VGLL4: variants seen among roughly 807,000 people sequenced by gnomAD.
VGLL4 encodes the protein vestigial like family member 4.
VGLL4 carries 7 observed loss-of-function variants against 21.0 expected under a neutral mutation model. The observed-to-expected ratio is 0.33, with a 90% CI of 0.19 to 0.63. VGLL4 has a LOEUF of 0.63. Ranked by LOEUF, VGLL4 falls within the 20% of genes least tolerant of loss-of-function variation. VGLL4 has a pLI of 0.78. For synonymous variants in VGLL4, 222 were observed against 173.2 expected (o/e 1.28, Z -2.21); for missense variants, 394 against 425.7 (o/e 0.93, Z 0.66).
Position 11,558,488 on chromosome 3 carries a change from T to TTA in VGLL4, c.*67_*68insTA. The TTA allele has an allele frequency of 6.7e-7, 1 of 1,483,586 alleles. No individual in the cohort carries two copies. The highest frequency in any genetic ancestry group is 9.0e-7 in the Non-Finnish European group (1 of 1,113,302). 91.9% of individuals were successfully genotyped at this position (1,483,586 alleles called of 1,614,324 possible). ...CCCACCCCCATGATTTTTTTTTTTT[T>TTA]AAGTACTGACTGTTCAAAGCTCAGG... On this transcript the variant is annotated 3_prime_UTR_variant, in exon 5 of 5. Coordinates refer to ENST00000430365, the MANE Select transcript of VGLL4 (RefSeq NM_001128219.3).
chr3:11,665,994 T>C (rs1269076227), intron 2 of VGLL4, among the ~76,000 whole-genome samples: 1 of 152,118 alleles, frequency 6.6e-6, no homozygotes, highest in Non-Finnish European at 1.5e-5. Flanking sequence ...CTCACGCCTG[T>C]AATCCCAACA....
rs888741669 is a variant in VGLL4 at position 11,557,140 on chromosome 3, G to C, written c.*1416C>G. On this transcript the variant is annotated 3_prime_UTR_variant, in exon 5 of 5. Transcript: ENST00000430365. ...CAGCACACCCCAGGGGGAGGGGATA[G>C]AAACGCTCATTGACCAAAAAGGAGC... is the stretch of plus-strand genomic sequence containing the variant. The C allele has an allele frequency of 2.6e-5, 4 of 152,678 alleles. No individual in the cohort carries two copies. Among genetic ancestry groups the C allele is most frequent in the African/African-American group, 9.6e-5 (4 of 41,468 alleles). 9.5% of individuals were successfully genotyped at this position (152,678 alleles called of 1,614,324 possible).
intron 2 of VGLL4, chr3:11,693,037 G>A (rs1445619530): frequency 1.1e-5 from 2 of 181,612 alleles, no homozygotes; most frequent in South Asian, 7.8e-5. Flanking sequence ...GGGTGTGGTG[G>A]TGTGTACCTG....
intron 2 of VGLL4, among the ~76,000 whole-genome samples, chr3:11,601,571 G>A (rs919768243): frequency 6.6e-6 from 1 of 152,174 alleles, no homozygotes; most frequent in African/African-American, 2.4e-5. Flanking sequence ...AGCTCTAAGG[G>A]GACATTAACT....
chr3:11,581,424 C>T (rs1457174577), intron 2 of VGLL4, among the ~76,000 whole-genome samples: 2 of 152,112 alleles, frequency 1.3e-5, no homozygotes, highest in Non-Finnish European at 1.5e-5. Context: ...AACTAAAACC[C>T]GGAGGGTCCT....
chr3:11,709,311 C>G (rs960225931), intron 1 of VGLL4, among the ~76,000 whole-genome samples: 1 of 151,654 alleles, frequency 6.6e-6, no homozygotes, highest in African/African-American at 2.4e-5. Flanking sequence ...GTAGCAGGCA[C>G]CTGTAATCCC....
chr3:11,673,192 A>G (rs895380101), intron 2 of VGLL4, among the ~76,000 whole-genome samples: 4 of 152,230 alleles, frequency 2.6e-5, no homozygotes, highest in African/African-American at 9.6e-5. Flanking sequence ...ATAGAGACCA[A>G]GTTAAACCAG....
upstream of VGLL4, among the ~76,000 whole-genome samples, chr3:11,648,798 A>C (rs2075829941): frequency 6.6e-6 from 1 of 151,836 alleles, no homozygotes; most frequent in Non-Finnish European, 1.5e-5. Context: ...AACCTTACTA[A>C]TAATCAAAGA....
chr3:11,692,610 A>G (rs1175828688), intron 2 of VGLL4, among the ~76,000 whole-genome samples: 1 of 151,980 alleles, frequency 6.6e-6, no homozygotes, highest in East Asian at 1.9e-4. Flanking sequence ...TGCCTGAAGC[A>G]CTCGACTGTC....
At chr3:11,592,062 C>T (rs1252636132) in intron 2 of VGLL4, among the ~76,000 whole-genome samples, 2 of 152,240 alleles carry the variant, frequency 1.3e-5, no homozygotes, top group Non-Finnish European at 2.9e-5. Flanking sequence ...TCAGCACTGA[C>T]CCTACCAAGT....
At chr3:11,676,042 A>C (rs2076283941) in intron 2 of VGLL4, among the ~76,000 whole-genome samples, 1 of 152,226 alleles carries the variant, frequency 6.6e-6, no homozygotes, top group South Asian at 2.1e-4. Flanking sequence ...CAAAAACCAC[A>C]GAGAGCCAAG....
chr3:11,626,950 C>CTGGGGG (rs773807985), intron 1 of VGLL4, among the ~76,000 whole-genome samples: 1 of 44,462 alleles, frequency 2.2e-5, no homozygotes, highest in Non-Finnish European at 4.1e-5. Context: ...GATAGGGTGG[C>CTGGGGG]TGGGGGTGGG....
chr3:11,655,740 G>A (rs1055018433), intron 2 of VGLL4, among the ~76,000 whole-genome samples: 8 of 152,140 alleles, frequency 5.3e-5, no homozygotes, highest in East Asian at 1.9e-4. Context: ...GTCTGGTTCC[G>A]GCTGGTGGCG....
chr3:11,696,733 T>C (rs2076611794), intron 2 of VGLL4, among the ~76,000 whole-genome samples: 1 of 152,106 alleles, frequency 6.6e-6, no homozygotes. Flanking sequence ...TTGTCTCCTC[T>C]TTTTATTTTT....
intron 1 of VGLL4, chr3:11,610,306 GAC>G (rs1318339816): frequency 2.0e-5 from 3 of 152,228 alleles, no homozygotes; most frequent in African/African-American, 7.2e-5. Flanking sequence ...CTGGGGAGAA[GAC>G]ACCGTGAAGT....
chr3:11,608,847 A>G (rs1174860465), intron 1 of VGLL4, among the ~76,000 whole-genome samples: 1 of 152,208 alleles, frequency 6.6e-6, no homozygotes, highest in Admixed American at 6.5e-5. Context: ...GCTTCAAAAC[A>G]GCACTGGTCT....
At chr3:11,710,409 T>C (rs976372508) in intron 1 of VGLL4, 1 of 152,224 alleles carries the variant, frequency 6.6e-6, no homozygotes, top group Non-Finnish European at 1.5e-5. Context: ...GTCTGTCCCA[T>C]GGCAGTGGCT....
At chr3:11,622,194 G>C (rs576941652) in intron 1 of VGLL4, among the ~76,000 whole-genome samples, 1 of 152,058 alleles carries the variant, frequency 6.6e-6, no homozygotes, top group Non-Finnish European at 1.5e-5. Context: ...CTTTTACAAA[G>C]CTTACGAATT....
rs1398587193 is a variant in VGLL4 at position 11,665,103 on chromosome 3, T to A, written c.64+37868A>T. Among the ~76,000 whole-genome samples, 9 of 25,014 alleles carry A rather than the reference T, an allele frequency of 3.6e-4. 1 individual carries two copies. The highest frequency in any genetic ancestry group is 1.3e-3 in the South Asian group (1 of 776). The allele number at this position is 25,014 out of a possible 152,430, so 16.4% of individuals were successfully genotyped here. A position where few individuals can be genotyped will look rare whatever the true frequency, so the allele number is the denominator to read the frequency against. ...ATGAAAGCAATTTGAATATTTTTCT[T>A]TTTTTTTTTTTTTTTTTTTTTTTTT... On this transcript the variant is annotated intron_variant, in intron 2 of 5. Coordinates refer to the VGLL4 transcript ENST00000273038.
Sources: gnomAD v4.1 joint callset for allele counts (sites outside exome capture counted in the v4.1 genomes callset) on GRCh38, gnomAD v4.1.1 for gene constraint, MANE v1.5 for transcripts, NCBI Gene and HGNC (gene_info 2026-07-23, HGNC 2026-07-21) for gene names.